The following SNTG1 variants were observed in gnomAD, a reference collection of about 807,000 sequenced individuals.
SNTG1 encodes gamma-1-syntrophin.
In SNTG1, 39 loss-of-function variants were observed where a neutral mutation model predicts 74.7. The observed-to-expected ratio is 0.52, with a 90% CI of 0.40 to 0.68. The LOEUF is 0.68. SNTG1 is among the 30% of genes least tolerant of loss of function. The probability of loss-of-function intolerance (pLI) is 0.00; values close to 1 mark genes in which losing one functional copy is unlikely to be tolerated. For missense variants in SNTG1, 685 were observed against 609.5 expected, an observed-to-expected ratio of 1.12 and a Z score of -1.30; for synonymous variants, 254 against 217.1, an observed-to-expected ratio of 1.17 and a Z score of -1.49.
chr8:50,356,393 G>C (rs552091795), intron 2 of SNTG1, among the ~76,000 whole-genome samples: 1 of 152,118 alleles, frequency 6.6e-6, no homozygotes, highest in Non-Finnish European at 1.5e-5. Context: ...CAAAGGCAAG[G>C]TTCAATGTTG....
chr8:50,652,430 C>T (rs563110970), intron 13 of SNTG1, among the ~76,000 whole-genome samples: 35 of 152,182 alleles, frequency 2.3e-4, no homozygotes, highest in African/African-American at 8.2e-4. Flanking sequence ...TTGTGCTAAA[C>T]TTGTTCTACA....
intron 2 of SNTG1, among the ~76,000 whole-genome samples, chr8:50,219,991 A>T (rs572704522): frequency 2.0e-5 from 3 of 152,194 alleles, no homozygotes; most frequent in Non-Finnish European, 4.4e-5. Flanking sequence ...TTACCTAAAC[A>T]TAGTAACATA....
intron 1 of SNTG1, among the ~76,000 whole-genome samples, chr8:50,020,007 GACCACTTCTATTGTTA>G (rs768391377): frequency 3.3e-5 from 5 of 152,058 alleles, no homozygotes; most frequent in Non-Finnish European, 7.4e-5. Context: ...CAGAATCCAT[GACCACTTCTATTGTTA>G]ACCTTTAGAA....
intron 2 of SNTG1, among the ~76,000 whole-genome samples, chr8:50,189,691 C>T (rs1468562527): frequency 6.6e-6 from 1 of 152,102 alleles, no homozygotes; most frequent in Non-Finnish European, 1.5e-5. Context: ...GTCAAGCCTC[C>T]TTGTGTCTAG....
At position 50,142,475 on chromosome 8, in the gene SNTG1, T is replaced by TTATA. The variant is rs10552210; in HGVS notation, c.-102-30068_-102-30065dup. On this transcript the variant is annotated intron_variant, in intron 1 of 18. Coordinates refer to ENST00000642720, the MANE Select transcript of SNTG1 (RefSeq NM_018967.5). ...TAACACAAACCTGCAATTAAAAAGA[T>TTATA]TATATATATATATATATATATTTGG... Among the ~76,000 whole-genome samples, 264 of 147,246 alleles carry TTATA rather than the reference T, an allele frequency of 1.8e-3. 1 individual carries two copies. Among genetic ancestry groups the TTATA allele is most frequent in the African/African-American group, 5.8e-3 (233 of 40,454 alleles).
rs1417018491 is a variant in SNTG1, at chr8:49,938,557, G to GTTTTC, written c.-103+26375_-103+26379dup. 2.2e-3 allele frequency among the ~76,000 whole-genome samples: 275 copies of GTTTTC among 127,210 alleles called. 3 individuals are homozygous for GTTTTC. Among genetic ancestry groups the GTTTTC allele is most frequent in the African/African-American group, 3.8e-3 (120 of 31,840 alleles). 83.5% of individuals were successfully genotyped at this position (127,210 alleles called of 152,430 possible). Reference sequence around the variant, plus strand: ...ATCTTACCATGCCTTCTTTTCTTTTGTTTTCTTTTCTTTTCTTTTCTTTTC... The same window carrying GTTTTC: ...ATCTTACCATGCCTTCTTTTCTTTTGTTTTCTTTTCTTTTCTTTTCTTTTCTTTTC... On this transcript the variant is annotated intron_variant, in intron 1 of 18. Coordinates refer to ENST00000642720, the MANE Select transcript of SNTG1 (RefSeq NM_018967.5).
At chr8:49,956,580 G>A (rs921410623) in intron 1 of SNTG1, among the ~76,000 whole-genome samples, 7 of 152,122 alleles carry the variant, frequency 4.6e-5, no homozygotes, top group Admixed American at 1.3e-4. Flanking sequence ...TACTTTTGTT[G>A]ATTAGTGTTT....
Position 50,434,840 on chromosome 8 carries a change from C to G in SNTG1, c.163-3703C>G, listed in dbSNP as rs115009777. 6.7e-3 allele frequency among the ~76,000 whole-genome samples: 1,022 copies of G among 152,210 alleles called. 16 individuals carry two copies. The highest frequency in any genetic ancestry group is 0.024 in the African/African-American group (978 of 41,524). ...CTATTTTCTTTCCATTATTGTTCTA[C>G]AAACAATAATGTATTGGTTTCTGTA... is the stretch of plus-strand genomic sequence containing the variant. On this transcript the variant is annotated intron_variant, in intron 4 of 18. Transcript: ENST00000642720.
In SNTG1 at chr8:50,793,679, A is replaced by C. The variant is rs1323649701; in HGVS notation, c.*850A>C. The C allele has an allele frequency of 6.6e-6, 1 of 151,874 alleles. No homozygotes were observed. The allele number at this position is 151,874 out of a possible 1,614,324, so 9.4% of individuals were successfully genotyped here. A position where few individuals can be genotyped will look rare whatever the true frequency, so the allele number is the denominator to read the frequency against. The stretch of plus-strand genomic sequence containing the variant: ...TTAAAGTTTCATAAATTTTCAGTGA[A>C]CCCAAAACCTTTTGTAGAGAAAATA... On this transcript the variant is annotated 3_prime_UTR_variant, in exon 19 of 19. Transcript: ENST00000642720.
chr8:50,741,062 C>A (rs2095542189), intron 17 of SNTG1, among the ~76,000 whole-genome samples: 8 of 151,962 alleles, frequency 5.3e-5, no homozygotes, highest in Admixed American at 5.3e-4. Flanking sequence ...ACCTGGGTGA[C>A]AAAATAATCT....
intron 2 of SNTG1, among the ~76,000 whole-genome samples, chr8:50,278,624 G>A (rs2088253464): frequency 6.6e-6 from 1 of 151,848 alleles, no homozygotes; most frequent in Non-Finnish European, 1.5e-5. Context: ...CATATGTTTA[G>A]GGGAAATATA....
intron 2 of SNTG1, among the ~76,000 whole-genome samples, chr8:50,385,365 C>A (rs757957986): frequency 2.6e-5 from 4 of 152,204 alleles, no homozygotes; most frequent in Non-Finnish European, 4.4e-5. Flanking sequence ...AGGCCAACTG[C>A]AACAACCTAT....
At chr8:50,600,044 C>A (rs2094761281) in intron 13 of SNTG1, among the ~76,000 whole-genome samples, 1 of 152,104 alleles carries the variant, frequency 6.6e-6, no homozygotes, top group Admixed American at 6.5e-5. Flanking sequence ...GTTTTTACAG[C>A]ATCAATTGAA....
At chr8:50,270,795 A>G (rs767625719) in intron 2 of SNTG1, among the ~76,000 whole-genome samples, 18 of 152,202 alleles carry the variant, frequency 1.2e-4, no homozygotes, top group Non-Finnish European at 2.5e-4. Context: ...AGAGAAAGAA[A>G]GACCTAAAAA....
intron 3 of SNTG1, 136 bp downstream of exon 3, chr8:50,394,401 A>T (rs2092701827): frequency 1.3e-6 from 1 of 783,224 alleles, no homozygotes; most frequent in Non-Finnish European, 2.0e-6. Context: ...TTCCTTCCAG[A>T]TTACGTTCTC....
intron 1 of SNTG1, among the ~76,000 whole-genome samples, chr8:49,917,047 T>G (rs1806109036): frequency 6.6e-6 from 1 of 151,646 alleles, no homozygotes; most frequent in Non-Finnish European, 1.5e-5. Flanking sequence ...AATAATAAAT[T>G]TTATTTGAAT....
intron 2 of SNTG1, among the ~76,000 whole-genome samples, chr8:50,300,753 A>C (rs1425216771): frequency 1.3e-5 from 2 of 152,178 alleles, no homozygotes; most frequent in African/African-American, 4.8e-5. Context: ...CATTGGTTGT[A>C]AAGCAGGTGC....
chr8:50,612,525 G>T (rs2094857965), intron 13 of SNTG1, among the ~76,000 whole-genome samples: 1 of 152,094 alleles, frequency 6.6e-6, no homozygotes, highest in Non-Finnish European at 1.5e-5. Context: ...CTATATATTA[G>T]AAAAGAATGT....
intron 2 of SNTG1, among the ~76,000 whole-genome samples, chr8:50,262,643 T>A (rs2087253122): frequency 3.3e-5 from 5 of 152,052 alleles, no homozygotes; most frequent in Admixed American, 3.3e-4. Flanking sequence ...TCTCCTGACT[T>A]TGTGATCCAC....
Sources: gnomAD v4.1 joint callset for allele counts (sites outside exome capture counted in the v4.1 genomes callset) on GRCh38, gnomAD v4.1.1 for gene constraint, MANE v1.5 for transcripts, NCBI Gene and HGNC (gene_info 2026-07-23, HGNC 2026-07-21) for gene names.